The following MFSD8 variants were observed in gnomAD, a reference collection of about 807,000 sequenced individuals.
The protein encoded by MFSD8 is major facilitator superfamily domain-containing protein 8.
A neutral mutation model predicts 66.4 loss-of-function variants in MFSD8; 55 were observed. The ratio of observed to expected loss-of-function variants is 0.83; its 90% CI spans 0.67 to 1.04. The LOEUF (loss-of-function observed/expected upper bound fraction) is 1.04, where lower values mean the gene tolerates loss of function less well. Among genes scored for constraint, MFSD8 ranks in the 50% least tolerant of loss-of-function variants. The probability of loss-of-function intolerance (pLI) is 0.00; values close to 1 mark genes in which losing one functional copy is unlikely to be tolerated. For missense variants in MFSD8, 550 were observed against 627.6 expected, an observed-to-expected ratio of 0.88 and a Z score of 1.32; for synonymous variants, 202 against 212.8, an observed-to-expected ratio of 0.95 and a Z score of 0.44.
At chr4:127,936,512 GT>G (rs1739103794) in intron 7 of MFSD8, among the ~76,000 whole-genome samples, 1 of 151,998 alleles carries the variant, frequency 6.6e-6, no homozygotes, top group East Asian at 1.9e-4. Flanking sequence ...GATCACTTGA[GT>G]CCAGGAGTTT....
chr4:127,957,483 T>C lies in MFSD8; in HGVS notation c.154+18A>G. The stretch of plus-strand genomic sequence containing the variant: ...CATCTGATCTGAATTGTTAAAATTA[T>C]GTATTTCTAATACTTACCTACACTG... On this transcript the variant is annotated intron_variant, in intron 2 of 11. Coordinates refer to ENST00000641686, the MANE Select transcript of MFSD8 (RefSeq NM_001371596.2). The C allele has an allele frequency of 1.3e-6, 2 of 1,497,928 alleles. No homozygotes were observed. The highest frequency in any genetic ancestry group is 1.9e-6 in the Non-Finnish European group (2 of 1,076,948). 92.8% of individuals were successfully genotyped at this position (1,497,928 alleles called of 1,614,324 possible). A position where few individuals can be genotyped will look rare whatever the true frequency, so the allele number is the denominator to read the frequency against.
At chr4:127,923,672 C>A (rs181290485) in intron 9 of MFSD8, among the ~76,000 whole-genome samples, 1 of 151,086 alleles carries the variant, frequency 6.6e-6, no homozygotes, top group Non-Finnish European at 1.5e-5. Context: ...CTCCGCCTCC[C>A]GGGTTCATGC....
rs1299242517 is a variant in MFSD8, at chr4:127,943,868, A to G, written c.323T>C (p.Ile108Thr). The G allele has an allele frequency of 2.5e-6, 4 of 1,614,062 alleles. No homozygotes were observed. Among genetic ancestry groups the G allele is most frequent in the East Asian group, 2.2e-5 (1 of 44,878 alleles). Residue 108 changes from isoleucine (I) to threonine (T), a missense_variant, in exon 4 of 12, where the codon ATT (isoleucine) becomes ACT (threonine). Physicochemically the swap from Ile to Thr is moderately conservative, Grantham distance 89. Coordinates refer to ENST00000641686, the MANE Select transcript of MFSD8 (RefSeq NM_001371596.2). ...TGCCACGGAAATCAAGATGGAGACA[A>G]TAAGAGGCTCTTTTCTTGGTCTATA... ...SNYRPRKEPL[I>T]VSILISVAAN...
intron 1 of MFSD8, among the ~76,000 whole-genome samples, chr4:127,959,636 G>A (rs1368589865): frequency 6.6e-6 from 1 of 152,126 alleles, no homozygotes; most frequent in Non-Finnish European, 1.5e-5. Context: ...GGTGCGTGTG[G>A]GTGTGTATGT....
At chr4:127,932,747 A>G (rs1163719170) in intron 8 of MFSD8, 2 of 374,684 alleles carry the variant, frequency 5.3e-6, no homozygotes, top group Non-Finnish European at 9.8e-6. Flanking sequence ...AAAGAGGGAA[A>G]GAGTAGTGAA....
chr4:127,946,116 G>A (rs1740990330), intron 3 of MFSD8, among the ~76,000 whole-genome samples: 1 of 151,880 alleles, frequency 6.6e-6, no homozygotes. Context: ...GTAGAGACGA[G>A]GTCTTATATC....
At chr4:127,965,622 G>A (rs927694663), upstream of MFSD8, 25 of 228,418 alleles carry the variant, frequency 1.1e-4, no homozygotes, top group Non-Finnish European at 2.0e-4. Context: ...TAGCCGGTCC[G>A]GTTAAGTAGT....
Position 127,953,576 on chromosome 4 carries a change from C to T in MFSD8, c.155-3729G>A, listed in dbSNP as rs1217610046. 4.9e-5 allele frequency among the ~76,000 whole-genome samples: 4 copies of T among 81,876 alleles called. No homozygotes were observed. In the Admixed American group the frequency reaches 6.0e-4, roughly 12 times the overall value. 53.7% of individuals were successfully genotyped at this position (81,876 alleles called of 152,430 possible). A position where few individuals can be genotyped will look rare whatever the true frequency, so the allele number is the denominator to read the frequency against. On this transcript the variant is annotated intron_variant, in intron 2 of 11. Coordinates refer to ENST00000641686, the MANE Select transcript of MFSD8 (RefSeq NM_001371596.2). ...TTTTTTTTTTTTTTTTTTTTTGAGA[C>T]GGAATCTTGCTCTGTGGCCCAGGCT... is the stretch of plus-strand genomic sequence containing the variant.
At chr4:127,949,882 A>G in intron 2 of MFSD8, 35 bp from the exon 3 acceptor site, 1 of 1,558,122 alleles carries the variant, frequency 6.4e-7, no homozygotes, top group Non-Finnish European at 8.8e-7. Flanking sequence ...TTATACTTAT[A>G]ATAATTTAAT....
At chr4:127,964,914 G>A in intron 1 of MFSD8, 158 bp downstream of exon 1, 1 of 848,860 alleles carries the variant, frequency 1.2e-6, no homozygotes, top group Non-Finnish European at 1.9e-6. Flanking sequence ...CCTACGTTGG[G>A]AGCGAATCTC....
chr4:127,933,037 C>A lies in MFSD8; in HGVS notation c.811G>T (p.Ala271Ser). 2 of 1,613,760 alleles carry A rather than the reference C, an allele frequency of 1.2e-6. No individual in the cohort carries two copies. The highest frequency in any genetic ancestry group is 1.7e-6 in the Non-Finnish European group (2 of 1,179,868). Residue 271 changes from alanine to serine, a missense_variant, in exon 8 of 12, where the codon GCC becomes TCC. By Grantham distance (99) the Ala-to-Ser change is moderately conservative. Coordinates refer to ENST00000641686, the MANE Select transcript of MFSD8 (RefSeq NM_001371596.2). The stretch of plus-strand genomic sequence containing the variant: ...GTCACAAAAAACAGAACATTGATGG[C>A]CACAACAGCAACCTGGTCAATATTT... ...QGNIDQVAVV[A>S]INVLFFVTLF...
chr4:127,924,902 C>A (rs950932635), intron 9 of MFSD8, among the ~76,000 whole-genome samples: 1 of 152,030 alleles, frequency 6.6e-6, no homozygotes, highest in African/African-American at 2.4e-5. Flanking sequence ...ATATATAGAC[C>A]AATGGAACAG....
At position 127,920,249 on chromosome 4, in the gene MFSD8, G is replaced by A. The variant is rs1391259364; in HGVS notation, c.*381C>T. Reference sequence around the variant, plus strand: ...AAATTCTATAATTTTGTTCTGCTATGGCTAATTCTTACAGAACCCTCTTTC... The same window carrying A: ...AAATTCTATAATTTTGTTCTGCTATAGCTAATTCTTACAGAACCCTCTTTC... On this transcript the variant is annotated 3_prime_UTR_variant, in exon 12 of 12. Coordinates refer to ENST00000641686, the MANE Select transcript of MFSD8 (RefSeq NM_001371596.2). 1.4e-5 allele frequency: 3 copies of A among 211,636 alleles called. No homozygotes were observed. The Admixed American group carries it at 1.6e-4, about 11-fold the overall frequency. The allele number at this position is 211,636 out of a possible 1,614,324, so 13.1% of individuals were successfully genotyped here.
At position 127,919,175 on chromosome 4, in the gene MFSD8, C is replaced by T. The variant is rs979851286; in HGVS notation, c.*1455G>A. On this transcript the variant is annotated 3_prime_UTR_variant, in exon 12 of 12. Transcript: ENST00000641686. ...GAGTTTAAGAGCACAGCTAGTTTAGCATAAAGTGCAGATTATACAGTTTTA... is the reference window on the plus strand; with the variant it reads ...GAGTTTAAGAGCACAGCTAGTTTAGTATAAAGTGCAGATTATACAGTTTTA... The T allele has an allele frequency of 2.0e-5, 3 of 152,162 alleles. No homozygotes were observed. The highest frequency in any genetic ancestry group is 4.4e-5 in the Non-Finnish European group (3 of 68,036). The allele number at this position is 152,162 out of a possible 1,614,324, so 9.4% of individuals were successfully genotyped here.
At chr4:127,934,606 A>G (rs1178123443) in intron 7 of MFSD8, 3 of 131,392 alleles carry the variant, frequency 2.3e-5, no homozygotes, top group Admixed American at 8.4e-5. Flanking sequence ...GGGGGGACGG[A>G]GTCTTGCTCT....
intron 1 of MFSD8, among the ~76,000 whole-genome samples, chr4:127,960,735 T>C (rs1743603292): frequency 6.6e-6 from 1 of 152,152 alleles, no homozygotes; most frequent in Non-Finnish European, 1.5e-5. Flanking sequence ...CTTGGATCAG[T>C]AACGTGAGCT....
intron 1 of MFSD8, among the ~76,000 whole-genome samples, chr4:127,959,512 G>C (rs1366740637): frequency 6.6e-6 from 1 of 152,166 alleles, no homozygotes; most frequent in Non-Finnish European, 1.5e-5. Context: ...TTGTAACAGT[G>C]ATGGAGTTGC....
At chr4:127,965,203 G>A (rs1016267504), upstream of MFSD8, 6 of 1,589,778 alleles carry the variant, frequency 3.8e-6, no homozygotes, top group African/African-American at 6.7e-5. Context: ...CCCGGGTGGC[G>A]TGAAGCTGGC....
chr4:127,959,154 C>A (rs981710107), intron 1 of MFSD8, among the ~76,000 whole-genome samples: 2 of 152,194 alleles, frequency 1.3e-5, no homozygotes, highest in African/African-American at 4.8e-5. Context: ...GTGTTCTCAA[C>A]ATAACCCATG....
Sources: gnomAD v4.1 joint callset for allele counts (sites outside exome capture counted in the v4.1 genomes callset) on GRCh38, gnomAD v4.1.1 for gene constraint, MANE v1.5 for transcripts, NCBI Gene and HGNC (gene_info 2026-07-23, HGNC 2026-07-21) for gene names.